HYAL4: variants seen among roughly 807,000 people sequenced by gnomAD.
HYAL4 encodes the protein hyaluronidase-4.
Under a neutral mutation model 35.2 loss-of-function variants are expected in HYAL4, and 37 were observed. That is an observed-to-expected ratio of 1.05 (90% CI 0.81 to 1.38). The LOEUF (loss-of-function observed/expected upper bound fraction) is 1.38, where lower values mean the gene tolerates loss of function less well. HYAL4 is among the 40% of genes most tolerant of loss of function. The pLI is 0.00. For synonymous variants in HYAL4, 198 were observed against 203.2 expected, an observed-to-expected ratio of 0.97 and a Z score of 0.22; for missense variants, 572 against 572.4, an observed-to-expected ratio of 1.00 and a Z score of 0.01.
At chr7:123,801,402 A>G in the HYAL4 span, among the ~76,000 whole-genome samples, 1 of 152,214 alleles carries the variant, frequency 6.6e-6, no homozygotes, top group African/African-American at 2.4e-5. Context: ...TCAATCAAAA[A>G]TAGGTAAACT....
the HYAL4 span, among the ~76,000 whole-genome samples, chr7:123,774,278 A>G: frequency 1.4e-4 from 21 of 152,094 alleles, no homozygotes; most frequent in South Asian, 4.1e-4. Context: ...GCTTCAAGCA[A>G]TCCTCCCACC....
At chr7:123,866,492 T>C (rs370457038) in intron 2 of HYAL4, among the ~76,000 whole-genome samples, 7 of 152,278 alleles carry the variant, frequency 4.6e-5, no homozygotes, top group African/African-American at 7.2e-5. Context: ...AAGATACTTA[T>C]GGTGCAGAAT....
chr7:123,800,681 C>T, the HYAL4 span, among the ~76,000 whole-genome samples: 1 of 151,232 alleles, frequency 6.6e-6, no homozygotes, highest in Non-Finnish European at 1.5e-5. Flanking sequence ...TTTTTAGACG[C>T]AGTCTAGCTC....
At chr7:123,871,543 G>T (rs1476955474) in intron 3 of HYAL4, among the ~76,000 whole-genome samples, 3 of 152,112 alleles carry the variant, frequency 2.0e-5, no homozygotes, top group Non-Finnish European at 4.4e-5. Context: ...AACTCTTAAT[G>T]ACCATTAATG....
At chr7:123,842,440 G>A (rs1463927984), upstream of HYAL4, among the ~76,000 whole-genome samples, 1 of 152,044 alleles carries the variant, frequency 6.6e-6, no homozygotes, top group African/African-American at 2.4e-5. Context: ...TTTAGAATAA[G>A]TGCGATGTGG....
At chr7:123,782,047 A>G in the HYAL4 span, among the ~76,000 whole-genome samples, 23 of 150,096 alleles carry the variant, frequency 1.5e-4, no homozygotes, top group African/African-American at 4.6e-4. Context: ...AGTTAAGACT[A>G]TAGGCACGCC....
chr7:123,842,906 T>G (rs940258119), upstream of HYAL4, among the ~76,000 whole-genome samples: 2 of 152,006 alleles, frequency 1.3e-5, no homozygotes, highest in Non-Finnish European at 2.9e-5. Context: ...GCACGTGAGA[T>G]GGGTCTCCTG....
At chr7:123,812,878 A>G in the HYAL4 span, among the ~76,000 whole-genome samples, 7 of 152,184 alleles carry the variant, frequency 4.6e-5, no homozygotes, top group Admixed American at 3.3e-4. Context: ...TGATGGGAGA[A>G]AAACCATCTC....
At chr7:123,866,913 C>A (rs760750585) in intron 2 of HYAL4, among the ~76,000 whole-genome samples, 2 of 151,836 alleles carry the variant, frequency 1.3e-5, no homozygotes, top group Non-Finnish European at 2.9e-5. Flanking sequence ...GCCTCAGCCT[C>A]CTCAGTAGCT....
intron 1 of HYAL4, among the ~76,000 whole-genome samples, chr7:123,846,986 G>A (rs1806187820): frequency 6.6e-6 from 1 of 152,144 alleles, no homozygotes; most frequent in Admixed American, 6.5e-5. Context: ...GGCTCTATTT[G>A]GGGTGTCTCC....
At position 123,876,949 on chromosome 7, in the gene HYAL4, G is replaced by T; in HGVS notation, c.1240G>T (p.Glu414Ter). ...CCACATAGAGGCCTCTGAGGACGGGGAGTTTACTGTGAAAGGAAAAGCATC... is the reference window on the plus strand; with the variant it reads ...CCACATAGAGGCCTCTGAGGACGGGTAGTTTACTGTGAAAGGAAAAGCATC... Reference protein sequence around the residue: ...SYHIEASEDGEFTVKGKASDT... With the variant: ...SYHIEASEDG Residue 414 changes from glutamate to a stop codon, truncating the protein, a stop_gained, in exon 5 of 5, where the codon GAG becomes TAG. Coordinates refer to ENST00000223026, the MANE Select transcript of HYAL4 (RefSeq NM_012269.3). LOFTEE classifies it low-confidence loss of function (END_TRUNC). 1 of 1,614,184 alleles carries T rather than the reference G, an allele frequency of 6.2e-7. No individual in the cohort carries two copies. Among genetic ancestry groups the T allele is most frequent in the Non-Finnish European group, 8.5e-7 (1 of 1,180,034 alleles).
chr7:123,852,943 G>A (rs55982551), intron 2 of HYAL4, among the ~76,000 whole-genome samples: 6,428 of 152,098 alleles, frequency 0.042, 149 homozygotes, highest in Middle Eastern at 0.082. Flanking sequence ...CCTTGAAGAG[G>A]TCCTTCACAT....
chr7:123,819,018 T>C, the HYAL4 span, among the ~76,000 whole-genome samples: 1 of 152,210 alleles, frequency 6.6e-6, no homozygotes, highest in Non-Finnish European at 1.5e-5. Flanking sequence ...TGCTATACAA[T>C]AGATCTCTTG....
upstream of HYAL4, among the ~76,000 whole-genome samples, chr7:123,844,505 G>C (rs1806134620): frequency 6.6e-6 from 1 of 152,188 alleles, no homozygotes; most frequent in Non-Finnish European, 1.5e-5. Flanking sequence ...CACTTGAGGA[G>C]GCAATCTGTC....
At chr7:123,769,513 A>G in the HYAL4 span, among the ~76,000 whole-genome samples, 31 of 152,310 alleles carry the variant, frequency 2.0e-4, no homozygotes, top group African/African-American at 7.5e-4. Flanking sequence ...CATTGTGTGA[A>G]TTAGTCATTG....
chr7:123,843,404 C>T (rs1460260270), upstream of HYAL4, among the ~76,000 whole-genome samples: 2 of 151,944 alleles, frequency 1.3e-5, no homozygotes, highest in South Asian at 2.1e-4. Context: ...GTTGGTAACT[C>T]GACCTTTCTC....
chr7:123,847,017 C>T (rs962945856), intron 1 of HYAL4, among the ~76,000 whole-genome samples: 9 of 152,022 alleles, frequency 5.9e-5, no homozygotes, highest in South Asian at 2.1e-4. Flanking sequence ...AGGAGCATTC[C>T]GCTTCCTTCA....
At chr7:123,820,560 G>A in the HYAL4 span, among the ~76,000 whole-genome samples, 4 of 148,474 alleles carry the variant, frequency 2.7e-5, no homozygotes, top group Admixed American at 2.7e-4. Context: ...CCCAGCTTGG[G>A]CAACAAGAGT....
At chr7:123,769,706 G>A in the HYAL4 span, among the ~76,000 whole-genome samples, 1 of 151,792 alleles carries the variant, frequency 6.6e-6, no homozygotes, top group Non-Finnish European at 1.5e-5. Context: ...TCACCGTCAA[G>A]TGTAAGAGAC....
Sources: allele counts gnomAD v4.1 joint callset (sites outside exome capture counted in the v4.1 genomes callset), GRCh38; gene constraint gnomAD v4.1.1; transcripts MANE v1.5; gene names NCBI Gene and HGNC (gene_info 2026-07-23, HGNC 2026-07-21).